The following CACNA1E variants were observed in gnomAD, a reference collection of about 807,000 sequenced individuals.
CACNA1E encodes calcium voltage-gated channel subunit alpha1 E.
CACNA1E carries 40 observed loss-of-function variants against 259.2 expected under a neutral mutation model. The observed-to-expected ratio is 0.15, with a 90% CI of 0.12 to 0.20. The LOEUF (loss-of-function observed/expected upper bound fraction) is 0.20, where lower values mean the gene tolerates loss of function less well. CACNA1E is among the 10% of genes least tolerant of loss of function. CACNA1E has a pLI of 1.00. For synonymous variants in CACNA1E, 1,104 were observed against 1,138.5 expected (o/e 0.97, Z 0.61); for missense variants, 1,874 against 3,040.1 (o/e 0.62, Z 9.02).
At chr1:181,525,353 A>C (rs1667278539) in intron 3 of CACNA1E, among the ~76,000 whole-genome samples, 5 of 152,238 alleles carry the variant, frequency 3.3e-5, no homozygotes, top group Admixed American at 1.3e-4. Flanking sequence ...GACACACTAC[A>C]TGCTGGTGTA....
intron 1 of CACNA1E, among the ~76,000 whole-genome samples, chr1:181,410,937 G>A (rs942203961): frequency 3.9e-5 from 6 of 152,342 alleles, no homozygotes; most frequent in African/African-American, 1.4e-4. Flanking sequence ...CTTTCTGGGA[G>A]GATGCCACCC....
At chr1:181,368,104 ACCTG>A (rs1489731455) in intron 1 of CACNA1E, among the ~76,000 whole-genome samples, 1 of 152,074 alleles carries the variant, frequency 6.6e-6, no homozygotes, top group Non-Finnish European at 1.5e-5. Flanking sequence ...GGTGGTGCAC[ACCTG>A]TAATCCCAGC....
At chr1:181,425,775 C>A (rs1434922272) in intron 2 of CACNA1E, among the ~76,000 whole-genome samples, 3 of 152,026 alleles carry the variant, frequency 2.0e-5, no homozygotes. Flanking sequence ...TTCTCTTCCT[C>A]TTTTTCTCTC....
intron 12 of CACNA1E, among the ~76,000 whole-genome samples, chr1:181,718,653 CACACACACACACA>C (rs1654144934): frequency 6.6e-5 from 10 of 150,990 alleles, no homozygotes; most frequent in Non-Finnish European, 1.2e-4. Context: ...CACACACACA[CACACACACACACA>C]CCCTTATATT....
Position 181,678,926 on chromosome 1 carries a change from C to A in CACNA1E, c.1055+27485C>A, listed in dbSNP as rs190331839. Among the ~76,000 whole-genome samples, 10 of 152,310 alleles carry A rather than the reference C, an allele frequency of 6.6e-5. No individual in the cohort carries two copies. The East Asian group carries it at 1.3e-3, about 21-fold the overall frequency. The stretch of plus-strand genomic sequence containing the variant: ...CCTCTTAAACTAGCCTCCTGTGAAA[C>A]ATGAATTTTCTATTATTCATTTTTA... On this transcript the variant is annotated intron_variant, in intron 7 of 47. Transcript: ENST00000367573.
chr1:181,550,414 T>C (rs542704365), intron 3 of CACNA1E, among the ~76,000 whole-genome samples: 1 of 152,180 alleles, frequency 6.6e-6, no homozygotes, highest in African/African-American at 2.4e-5. Flanking sequence ...GCATGGTTGG[T>C]AGTTGAAACC....
At chr1:181,576,104 A>C (rs1246637036) in intron 3 of CACNA1E, among the ~76,000 whole-genome samples, 1 of 152,206 alleles carries the variant, frequency 6.6e-6, no homozygotes, top group African/African-American at 2.4e-5. Flanking sequence ...TGACGACGGC[A>C]TGGAAGTGTG....
At chr1:181,735,615 T>G (rs982238905) in intron 21 of CACNA1E, among the ~76,000 whole-genome samples, 2 of 152,238 alleles carry the variant, frequency 1.3e-5, no homozygotes, top group African/African-American at 4.8e-5. Flanking sequence ...TCCCAATCCT[T>G]GGATGCAGTC....
At chr1:181,550,580 A>G (rs1462695170) in intron 3 of CACNA1E, among the ~76,000 whole-genome samples, 2 of 151,822 alleles carry the variant, frequency 1.3e-5, no homozygotes, top group African/African-American at 4.8e-5. Context: ...ATTGGTTGAG[A>G]CCATTAGCAG....
At chr1:181,786,097 G>A (rs1660824828) in intron 43 of CACNA1E, among the ~76,000 whole-genome samples, 1 of 152,138 alleles carries the variant, frequency 6.6e-6, no homozygotes, top group Admixed American at 6.5e-5. Context: ...GGGTCTTATA[G>A]AGGAGATTAT....
intron 6 of CACNA1E, among the ~76,000 whole-genome samples, chr1:181,611,771 A>G (rs934537977): frequency 1.3e-5 from 2 of 152,220 alleles, no homozygotes; most frequent in Non-Finnish European, 2.9e-5. Context: ...ATTTAAAGCT[A>G]TAATATTGAA....
At chr1:181,581,767 C>T (rs899106243) in intron 6 of CACNA1E, among the ~76,000 whole-genome samples, 1 of 152,142 alleles carries the variant, frequency 6.6e-6, no homozygotes, top group Non-Finnish European at 1.5e-5. Context: ...GGACTGTACC[C>T]TTACCTGCAT....
chr1:181,447,085 A>G (rs558185879), intron 2 of CACNA1E, among the ~76,000 whole-genome samples: 1 of 152,342 alleles, frequency 6.6e-6, no homozygotes, highest in East Asian at 1.9e-4. Flanking sequence ...AGCTGCTACC[A>G]GGAGAAAAGG....
intron 18 of CACNA1E, among the ~76,000 whole-genome samples, chr1:181,730,195 C>G (rs763717981): frequency 6.6e-6 from 1 of 152,228 alleles, no homozygotes; most frequent in Non-Finnish European, 1.5e-5. Context: ...ATTAATTTGC[C>G]TAGCATGTTC....
chr1:181,471,964 C>G (rs2102414980), intron 2 of CACNA1E, among the ~76,000 whole-genome samples: 1 of 152,168 alleles, frequency 6.6e-6, no homozygotes, highest in South Asian at 2.1e-4. Flanking sequence ...ATGTTCATTG[C>G]AGCATTATTT....
At position 181,733,658 on chromosome 1, in the gene CACNA1E, C is replaced by T. The variant is rs202026230; in HGVS notation, c.3170C>T (p.Thr1057Met). ...SQSEPDLSCI[T>M]ANTDKATTES... ...AGCGAGCCTGACCTCTCCTGCATCA[C>T]GGCCAACACGGACAAGGCCACCACC... The change falls in exon 21 of 48, where the codon ACG (threonine) becomes ATG (methionine). Residue 1057 changes from threonine (T) to methionine (M), a missense_variant. Physicochemically the swap from Thr to Met is moderately conservative, Grantham distance 81 (BLOSUM62 -1). Coordinates refer to ENST00000367573, the MANE Select transcript of CACNA1E (RefSeq NM_001205293.3). 2.1e-4 allele frequency: 339 copies of T among 1,606,948 alleles called. No homozygotes were observed. The highest frequency in any genetic ancestry group is 2.5e-4 in the Non-Finnish European group (290 of 1,176,850).
chr1:181,674,223 CAA>C (rs58198967), intron 7 of CACNA1E, among the ~76,000 whole-genome samples: 1,022 of 88,410 alleles, frequency 0.012, 9 homozygotes, highest in African/African-American at 0.032. Context: ...ACTAAAAATA[CAA>C]AAAAAAAAAA....
intron 3 of CACNA1E, among the ~76,000 whole-genome samples, chr1:181,561,796 C>T (rs1409906160): frequency 1.3e-5 from 2 of 152,200 alleles, no homozygotes; most frequent in African/African-American, 4.8e-5. Context: ...CTGTAAGGAG[C>T]TGCCAAACTG....
rs767753421 is a variant in CACNA1E at position 181,747,449 on chromosome 1, CAT to C, written c.3720-3026_3720-3025del. On this transcript the variant is annotated intron_variant, in intron 25 of 47. Transcript: ENST00000367573. ...TACTGATGAAACAAGAAAAATCTGT[CAT>C]TTTTTTTTTTTTTTTTTTACTGGAG... 9.6e-3 allele frequency among the ~76,000 whole-genome samples: 1,126 copies of C among 117,322 alleles called. 19 individuals are homozygous for C. The highest frequency in any genetic ancestry group is 0.027 in the Middle Eastern group (6 of 226). The allele number at this position is 117,322 out of a possible 152,430, so 77.0% of individuals were successfully genotyped here.
Sources: gnomAD v4.1 joint callset for allele counts (sites outside exome capture counted in the v4.1 genomes callset) on GRCh38, gnomAD v4.1.1 for gene constraint, MANE v1.5 for transcripts, NCBI Gene and HGNC (gene_info 2026-07-23, HGNC 2026-07-21) for gene names.